The following RAPGEF6 variants were observed in gnomAD, a reference collection of about 807,000 sequenced individuals.
RAPGEF6 encodes Rap guanine nucleotide exchange factor 6.
RAPGEF6 carries 56 observed loss-of-function variants against 171.4 expected under a neutral mutation model. That is an observed-to-expected ratio of 0.33 (90% CI 0.26 to 0.41). The LOEUF (loss-of-function observed/expected upper bound fraction) is 0.41. RAPGEF6 is among the 10% of genes least tolerant of loss of function. The pLI is 1.00. For missense variants in RAPGEF6, 1,674 were observed against 1,921.4 expected, an observed-to-expected ratio of 0.87 and a Z score of 2.41; for synonymous variants, 692 against 650.1, an observed-to-expected ratio of 1.06 and a Z score of -0.98.
At chr5:131,594,998 C>A (rs1417507016) in intron 3 of RAPGEF6, among the ~76,000 whole-genome samples, 2 of 152,070 alleles carry the variant, frequency 1.3e-5, no homozygotes, top group Non-Finnish European at 2.9e-5. Flanking sequence ...TAAGTTAATG[C>A]TGGATTGAGT....
chr5:131,509,431 T>A lies in RAPGEF6; in HGVS notation c.805+883A>T, dbSNP rs968214076. 4.6e-5 allele frequency among the ~76,000 whole-genome samples: 7 copies of A among 151,818 alleles called. 1 individual carries two copies. Among genetic ancestry groups the A allele is most frequent in the South Asian group, 2.1e-4 (1 of 4,818 alleles). ...GGTGGCGGGCGCCTGTAGTCCCAGC[T>A]ACTCAGGAGGCTGAGGCAGGAGAAT... On this transcript the variant is annotated intron_variant, in intron 8 of 27. Coordinates refer to ENST00000509018, the MANE Select transcript of RAPGEF6 (RefSeq NM_016340.6).
rs139301370 is a variant in RAPGEF6 at position 131,510,792 on chromosome 5, T to C, written c.628-301A>G. ...ATATCTGTTTTCCACCCAACACTTG[T>C]ATTTCCTAAAAGTACTAAGTTTACT... On this transcript the variant is annotated intron_variant, in intron 7 of 27. Transcript: ENST00000509018. Among the ~76,000 whole-genome samples the C allele has an allele frequency of 3.8e-3, 572 of 152,326 alleles. 4 individuals are homozygous for C. The highest frequency in any genetic ancestry group is 0.013 in the African/African-American group (542 of 41,578).
At position 131,603,332 on chromosome 5, in the gene RAPGEF6, T is replaced by G; in HGVS notation, c.141-5A>C. ...CGTGCTCTTGCAGACATTAATCTAT[T>G]AAAAAAAAAAATTGAAGATTTTATC... On this transcript the variant is annotated splice_region_variant and splice_polypyrimidine_tract_variant and intron_variant, in intron 2 of 27. Coordinates refer to ENST00000509018, the MANE Select transcript of RAPGEF6 (RefSeq NM_016340.6). 7.5e-7 allele frequency: 1 copy of G among 1,339,460 alleles called. No individual in the cohort carries two copies. Among genetic ancestry groups the G allele is most frequent in the African/African-American group, 1.5e-5 (1 of 65,928 alleles). 83.0% of individuals were successfully genotyped at this position (1,339,460 alleles called of 1,614,324 possible). A position where few individuals can be genotyped will look rare whatever the true frequency, so the allele number is the denominator to read the frequency against.
chr5:131,497,682 G>A (rs1756723627), intron 12 of RAPGEF6, among the ~76,000 whole-genome samples: 1 of 152,172 alleles, frequency 6.6e-6, no homozygotes, highest in African/African-American at 2.4e-5. Flanking sequence ...AGGTGTGCAA[G>A]CCTGTAGTTT....
intron 26 of RAPGEF6, among the ~76,000 whole-genome samples, chr5:131,429,426 A>C (rs1751565042): frequency 6.6e-6 from 1 of 152,216 alleles, no homozygotes; most frequent in African/African-American, 2.4e-5. Flanking sequence ...AAGTCCTGTA[A>C]ACATTAAATA....
intron 1 of RAPGEF6, among the ~76,000 whole-genome samples, chr5:131,611,520 A>C (rs1449364130): frequency 6.6e-6 from 1 of 152,084 alleles, no homozygotes; most frequent in Non-Finnish European, 1.5e-5. Context: ...AAAAATACAA[A>C]AATTAGCTAT....
intron 1 of RAPGEF6, among the ~76,000 whole-genome samples, chr5:131,625,591 G>A (rs561279749): frequency 2.6e-4 from 40 of 152,064 alleles, no homozygotes; most frequent in African/African-American, 9.4e-4. Context: ...CGAGGTGGGT[G>A]GATCACGAGG....
chr5:131,491,238 G>A (rs1447905968), intron 14 of RAPGEF6, among the ~76,000 whole-genome samples: 4 of 151,966 alleles, frequency 2.6e-5, no homozygotes, highest in Admixed American at 2.0e-4. Flanking sequence ...CAGCATCCTC[G>A]GCCTCTGTCC....
In RAPGEF6 at chr5:131,611,388, G is replaced by C. The variant is rs190335563; in HGVS notation, c.70-6695C>G. ...AGTATTTTTAAATAATGTCATGTTTGGCTGGGTGTGGTGGCTCACACCTGT... is the reference window on the plus strand; with the variant it reads ...AGTATTTTTAAATAATGTCATGTTTCGCTGGGTGTGGTGGCTCACACCTGT... On this transcript the variant is annotated intron_variant, in intron 1 of 27. Transcript: ENST00000509018. 1.2e-3 allele frequency among the ~76,000 whole-genome samples: 180 copies of C among 152,188 alleles called. 1 individual carries two copies. Among genetic ancestry groups the C allele is most frequent in the African/African-American group, 4.2e-3 (173 of 41,500 alleles).
At chr5:131,517,367 C>T (rs570664149) in intron 7 of RAPGEF6, among the ~76,000 whole-genome samples, 3 of 151,728 alleles carry the variant, frequency 2.0e-5, no homozygotes, top group Non-Finnish European at 4.4e-5. Context: ...TATATATAGT[C>T]TTCTGCCCCA....
intron 4 of RAPGEF6, among the ~76,000 whole-genome samples, chr5:131,571,091 G>A (rs1309840032): frequency 6.6e-6 from 1 of 151,784 alleles, no homozygotes; most frequent in Non-Finnish European, 1.5e-5. Context: ...TTGGGTACAT[G>A]CCACCACACC....
At chr5:131,474,665 C>T (rs931895755) in intron 16 of RAPGEF6, among the ~76,000 whole-genome samples, 11 of 151,892 alleles carry the variant, frequency 7.2e-5, no homozygotes, top group African/African-American at 2.4e-4. Context: ...AAATTGACTC[C>T]TTATAATTTG....
At chr5:131,521,879 ACACACACACACACTCTCT>A (rs1010494854) in intron 6 of RAPGEF6, among the ~76,000 whole-genome samples, 1 of 124,972 alleles carries the variant, frequency 8.0e-6, no homozygotes, top group Admixed American at 7.8e-5. Flanking sequence ...ACACACACAC[ACACACACACACACTCTCT>A]CTCTCTCTCA....
intron 6 of RAPGEF6, among the ~76,000 whole-genome samples, chr5:131,535,243 A>G (rs1759687378): frequency 6.6e-6 from 1 of 152,200 alleles, no homozygotes; most frequent in Non-Finnish European, 1.5e-5. Flanking sequence ...AACAATACTA[A>G]GAAAAGAAAC....
chr5:131,462,197 C>A, intron 18 of RAPGEF6, 109 bp from the exon 19 acceptor site: 1 of 906,226 alleles, frequency 1.1e-6, no homozygotes, highest in Non-Finnish European at 1.5e-6. Context: ...TAACTTTTAG[C>A]CAAAAATATT....
At chr5:131,612,560 C>T (rs1052155957) in intron 1 of RAPGEF6, among the ~76,000 whole-genome samples, 2 of 152,154 alleles carry the variant, frequency 1.3e-5, no homozygotes, top group African/African-American at 4.8e-5. Context: ...GCCCCAACCA[C>T]TGAGTTAGGT....
chr5:131,440,555 TG>T (rs1484962082), intron 23 of RAPGEF6, among the ~76,000 whole-genome samples: 1 of 151,638 alleles, frequency 6.6e-6, no homozygotes, highest in Non-Finnish European at 1.5e-5. Context: ...CTGGCCACCA[TG>T]GTGAAACCCC....
intron 6 of RAPGEF6, among the ~76,000 whole-genome samples, chr5:131,541,249 T>A (rs1175742462): frequency 6.6e-6 from 1 of 152,186 alleles, no homozygotes; most frequent in Non-Finnish European, 1.5e-5. Context: ...GAATGGACTC[T>A]TGGGAGCTGA....
At chr5:131,441,657 C>T (rs576460667) in intron 23 of RAPGEF6, among the ~76,000 whole-genome samples, 1 of 152,300 alleles carries the variant, frequency 6.6e-6, no homozygotes, top group African/African-American at 2.4e-5. Flanking sequence ...GTGTCTACAT[C>T]ACCAGACTGA....
Sources: gnomAD v4.1 joint callset for allele counts (sites outside exome capture counted in the v4.1 genomes callset) on GRCh38, gnomAD v4.1.1 for gene constraint, MANE v1.5 for transcripts, NCBI Gene and HGNC (gene_info 2026-07-23, HGNC 2026-07-21) for gene names.